SESTD1: variants seen among roughly 807,000 people sequenced by gnomAD.
SESTD1 encodes SEC14 domain and spectrin repeat-containing protein 1.
SESTD1 carries 43 observed loss-of-function variants against 101.7 expected under a neutral mutation model. The observed-to-expected ratio is 0.42, with a 90% confidence interval of 0.33 to 0.55. SESTD1 has a LOEUF of 0.55. Among genes scored for constraint, SESTD1 ranks in the 20% least tolerant of loss-of-function variants. SESTD1 has a pLI of 0.07. For synonymous variants in SESTD1, 283 were observed against 286.8 expected (o/e 0.99, Z 0.13); for missense variants, 647 against 815.1 (o/e 0.79, Z 2.51).
Position 179,117,571 on chromosome 2 carries a change from C to T in SESTD1, c.1485G>A (p.Gln495=). 4 of 1,586,012 alleles carry T rather than the reference C, an allele frequency of 2.5e-6. No individual in the cohort carries two copies. The highest frequency in any genetic ancestry group is 3.4e-6 in the Non-Finnish European group (4 of 1,170,272). ...CTTCACATTTAAACAACTGCACCAT[C>T]TGAAGCATCTTTAACCTTCGCACAT... is the stretch of plus-strand genomic sequence containing the variant. ...MVDVRRLKML[Q]MVQLFKCEED... The change falls in exon 14 of 18, where the codon CAG becomes CAA. Residue 495 remains glutamine (Q), a synonymous_variant. Transcript: ENST00000428443.
chr2:179,246,355 CA>C (rs2047231660), intron 1 of SESTD1, among the ~76,000 whole-genome samples: 1 of 151,404 alleles, frequency 6.6e-6, no homozygotes, highest in Admixed American at 6.6e-5. Flanking sequence ...GCCAATTCAT[CA>C]AGAAGACATA....
intron 9 of SESTD1, among the ~76,000 whole-genome samples, chr2:179,140,976 CAG>C (rs2045263681): frequency 2.0e-5 from 3 of 152,162 alleles, no homozygotes; most frequent in African/African-American, 4.8e-5. Context: ...CATGAAATGT[CAG>C]AGTTTCTCAA....
chr2:179,155,243 A>G (rs2105454977), intron 5 of SESTD1, among the ~76,000 whole-genome samples: 1 of 152,134 alleles, frequency 6.6e-6, no homozygotes, highest in African/African-American at 2.4e-5. Flanking sequence ...GATCCACAGA[A>G]AGGCTTTCAC....
chr2:179,239,729 A>C (rs1003381753), intron 1 of SESTD1, among the ~76,000 whole-genome samples: 1 of 152,212 alleles, frequency 6.6e-6, no homozygotes, highest in African/African-American at 2.4e-5. Flanking sequence ...ATAAGGCATC[A>C]TTTAGCACTA....
At chr2:179,182,080 T>C (rs937724864) in intron 3 of SESTD1, among the ~76,000 whole-genome samples, 13 of 150,774 alleles carry the variant, frequency 8.6e-5, no homozygotes, top group Non-Finnish European at 4.4e-5. Flanking sequence ...TTTAACCCCA[T>C]ACTCTGCAAG....
At chr2:179,182,731 A>G (rs2046136971) in intron 3 of SESTD1, among the ~76,000 whole-genome samples, 1 of 152,176 alleles carries the variant, frequency 6.6e-6, no homozygotes, top group Non-Finnish European at 1.5e-5. Context: ...CTGCAGACGT[A>G]TTTATATCAA....
chr2:179,113,385 G>A (rs1462433929), intron 16 of SESTD1, among the ~76,000 whole-genome samples: 1 of 152,164 alleles, frequency 6.6e-6, no homozygotes, highest in East Asian at 1.9e-4. Context: ...CTGATCTGCT[G>A]GCTTGAGTTA....
rs1027482038 is a variant in SESTD1 at position 179,102,248 on chromosome 2, G to A, written c.*7651C>T. 2.6e-5 allele frequency: 4 copies of A among 152,094 alleles called. No homozygotes were observed. The highest frequency in any genetic ancestry group is 9.7e-5 in the African/African-American group (4 of 41,420). The allele number at this position is 152,094 out of a possible 1,614,324, so 9.4% of individuals were successfully genotyped here. ...ACGGGAGAGGGAAGCAGAAGCCTCT[G>A]TCTTCTAAGACTCCAGGTTATTTCA... On this transcript the variant is annotated 3_prime_UTR_variant, in exon 18 of 18. Transcript: ENST00000428443.
At chr2:179,191,887 A>AT (rs772734082) in intron 1 of SESTD1, 21 bp from the exon 2 acceptor site, 1 of 1,469,318 alleles carries the variant, frequency 6.8e-7, no homozygotes, top group African/African-American at 1.4e-5. Flanking sequence ...AGAAAGTCAA[A>AT]TGTCAACTAC....
intron 1 of SESTD1, among the ~76,000 whole-genome samples, chr2:179,230,637 A>G (rs2046973918): frequency 6.6e-6 from 1 of 152,156 alleles, no homozygotes; most frequent in African/African-American, 2.4e-5. Flanking sequence ...TGAAAATGAG[A>G]TAACGCGGTA....
intron 1 of SESTD1, among the ~76,000 whole-genome samples, chr2:179,194,428 G>C (rs1337359044): frequency 6.6e-6 from 1 of 152,092 alleles, no homozygotes; most frequent in Non-Finnish European, 1.5e-5. Context: ...TCTTTCAGTA[G>C]GGGCCCTCCT....
chr2:179,260,218 G>A (rs1253224986), intron 1 of SESTD1, among the ~76,000 whole-genome samples: 1 of 152,148 alleles, frequency 6.6e-6, no homozygotes, highest in Non-Finnish European at 1.5e-5. Flanking sequence ...TTATGAGGTA[G>A]GAGTTATTGT....
In SESTD1 at chr2:179,121,810, T is replaced by C; in HGVS notation, c.1402A>G (p.Ile468Val). ...TGCATATCTTCCATCACTCCTTGTA[T>C]GTGGTCCACATTTTCTTTATTTTCA... ...TIENKENVDH[I>V]QGVMEDMQLR... Residue 468 changes from isoleucine to valine, a missense_variant, in exon 13 of 18, where the codon ATA becomes GTA. Transcript: ENST00000428443. 1.9e-6 allele frequency: 3 copies of C among 1,607,802 alleles called. No individual in the cohort carries two copies.
At chr2:179,186,421 C>T (rs567592631) in intron 2 of SESTD1, among the ~76,000 whole-genome samples, 27 of 152,126 alleles carry the variant, frequency 1.8e-4, no homozygotes, top group Admixed American at 5.9e-4. Context: ...TTTTGAACAG[C>T]AAAGAGTGAA....
At chr2:179,231,836 CA>C (rs1204469992) in intron 1 of SESTD1, among the ~76,000 whole-genome samples, 2 of 151,492 alleles carry the variant, frequency 1.3e-5, no homozygotes, top group Non-Finnish European at 3.0e-5. Flanking sequence ...AGACTCAAAT[CA>C]AAAAGCCTTA....
intron 10 of SESTD1, among the ~76,000 whole-genome samples, chr2:179,129,550 CTAAAATTTAATATATGACA>C (rs1325901454): frequency 2.0e-5 from 3 of 152,140 alleles, no homozygotes; most frequent in Admixed American, 1.3e-4. Context: ...TATATGGACT[CTAAAATTTAATATATGACA>C]TAAAATTTAA....
Position 179,123,842 on chromosome 2 carries a change from G to A in SESTD1, c.1168-13C>T. ...ACTGCTGAGACAACTAAAGCAGAGG[G>A]ACACCAAAGAGATAACCCTGATGTA... is the stretch of plus-strand genomic sequence containing the variant. On this transcript the variant is annotated splice_polypyrimidine_tract_variant and intron_variant, in intron 11 of 17. Transcript: ENST00000428443. 1 of 1,582,838 alleles carries A rather than the reference G, an allele frequency of 6.3e-7. No individual in the cohort carries two copies.
chr2:179,247,494 A>C (rs1269054661), intron 1 of SESTD1, among the ~76,000 whole-genome samples: 2 of 152,072 alleles, frequency 1.3e-5, no homozygotes, highest in Non-Finnish European at 2.9e-5. Context: ...GCACCTTCTT[A>C]GTTAACTGCA....
chr2:179,150,122 G>A (rs1375700979), intron 6 of SESTD1, among the ~76,000 whole-genome samples: 1 of 152,170 alleles, frequency 6.6e-6, no homozygotes, highest in African/African-American at 2.4e-5. Flanking sequence ...CGACTTGAGA[G>A]GCTGAGGTGG....
Sources: gnomAD v4.1 joint callset for allele counts (sites outside exome capture counted in the v4.1 genomes callset) on GRCh38, gnomAD v4.1.1 for gene constraint, MANE v1.5 for transcripts, NCBI Gene and HGNC (gene_info 2026-07-23, HGNC 2026-07-21) for gene names.